VWA8: variants seen among roughly 807,000 people sequenced by gnomAD.
The protein encoded by VWA8 is von Willebrand factor A domain containing 8.
VWA8 carries 221 observed loss-of-function variants against 241.5 expected under a neutral mutation model. The ratio of observed to expected loss-of-function variants is 0.91; its 90% confidence interval spans 0.82 to 1.02. VWA8 has a LOEUF of 1.02. VWA8 is among the 50% of genes least tolerant of loss of function. The pLI is 0.00. For missense variants in VWA8, 2,322 were observed against 2,328.7 expected (o/e 1.00, Z 0.06); for synonymous variants, 852 against 827.1 (o/e 1.03, Z -0.52).
chr13:41,728,133 G>C (rs1026875396), intron 23 of VWA8, among the ~76,000 whole-genome samples: 4 of 149,934 alleles, frequency 2.7e-5, no homozygotes, highest in Non-Finnish European at 4.5e-5. Context: ...TTTGAGATGA[G>C]TTTGGAAGAG....
At chr13:41,877,189 C>T (rs953801767) in intron 9 of VWA8, among the ~76,000 whole-genome samples, 2 of 152,076 alleles carry the variant, frequency 1.3e-5, no homozygotes, top group African/African-American at 4.8e-5. Flanking sequence ...TTAACAGCAA[C>T]TATACTCACG....
intron 2 of VWA8, among the ~76,000 whole-genome samples, chr13:41,928,152 T>C (rs549891060): frequency 2.6e-5 from 4 of 152,172 alleles, no homozygotes; most frequent in Admixed American, 6.5e-5. Flanking sequence ...ACAATAATCA[T>C]AGAGGACTTC....
intron 2 of VWA8, among the ~76,000 whole-genome samples, chr13:41,918,107 G>A (rs1269931346): frequency 6.6e-6 from 1 of 152,096 alleles, no homozygotes; most frequent in Non-Finnish European, 1.5e-5. Context: ...TATTCACACA[G>A]CTATATTTAT....
intron 21 of VWA8, among the ~76,000 whole-genome samples, chr13:41,751,061 T>C (rs562145741): frequency 2.6e-5 from 4 of 152,174 alleles, no homozygotes; most frequent in African/African-American, 9.6e-5. Context: ...AGAGCTGTAG[T>C]GAGCAGTAAG....
At chr13:41,689,741 A>G (rs927622511) in intron 33 of VWA8, among the ~76,000 whole-genome samples, 1 of 152,132 alleles carries the variant, frequency 6.6e-6, no homozygotes, top group Non-Finnish European at 1.5e-5. Context: ...AGGAATAAAT[A>G]TTATAATTAA....
rs1593849150 is a variant in VWA8 at position 41,891,403 on chromosome 13, G to A, written c.651+17C>T. The A allele has an allele frequency of 3.1e-6, 5 of 1,613,834 alleles. No homozygotes were observed. Among genetic ancestry groups the A allele is most frequent in the Middle Eastern group, 1.6e-4 (1 of 6,062 alleles). On this transcript the variant is annotated intron_variant, in intron 5 of 44. Transcript: ENST00000379310. ...GCTTGACAGCAAAGACAAAGCAACA[G>A]GATTTTCTTTTCTTACTCGGAGAAG...
intron 20 of VWA8, among the ~76,000 whole-genome samples, chr13:41,761,944 G>A (rs9566845): frequency 0.061 from 9,266 of 151,996 alleles, 354 homozygotes; most frequent in East Asian, 0.11. Context: ...AGCAGGTTGT[G>A]TGGAAAGAGT....
At chr13:41,698,233 A>G (rs969202537) in intron 29 of VWA8, among the ~76,000 whole-genome samples, 2 of 152,010 alleles carry the variant, frequency 1.3e-5, no homozygotes, top group East Asian at 1.9e-4. Context: ...AGTATCCCCA[A>G]TAGGAGGCAC....
intron 4 of VWA8, among the ~76,000 whole-genome samples, chr13:41,897,537 A>C (rs777437598): frequency 5.3e-5 from 8 of 152,236 alleles, no homozygotes; most frequent in Non-Finnish European, 5.9e-5. Context: ...CTGATCCAGC[A>C]ATATATGGAC....
At chr13:41,879,222 C>G (rs941787954) in intron 9 of VWA8, among the ~76,000 whole-genome samples, 2 of 152,136 alleles carry the variant, frequency 1.3e-5, no homozygotes, top group Non-Finnish European at 2.9e-5. Flanking sequence ...TTGAAGTGAA[C>G]TATATTGTCA....
chr13:41,666,545 T>C (rs1262893670), intron 37 of VWA8, among the ~76,000 whole-genome samples: 6 of 152,056 alleles, frequency 3.9e-5, no homozygotes, highest in Non-Finnish European at 4.4e-5. Flanking sequence ...GCTAAATACT[T>C]AGGAATTTTT....
intron 19 of VWA8, among the ~76,000 whole-genome samples, chr13:41,782,841 T>TA (rs930012109): frequency 6.6e-6 from 1 of 151,824 alleles, no homozygotes; most frequent in Non-Finnish European, 1.5e-5. Flanking sequence ...TAATTTTCTC[T>TA]AAAAAAATTC....
At chr13:41,813,826 A>G in intron 16 of VWA8, among the ~76,000 whole-genome samples, 1 of 152,148 alleles carries the variant, frequency 6.6e-6, no homozygotes, top group Admixed American at 6.6e-5. Context: ...TATACTTTAA[A>G]AATTCCTAAT....
intron 16 of VWA8, among the ~76,000 whole-genome samples, chr13:41,811,998 T>C (rs1870493045): frequency 6.6e-6 from 1 of 152,180 alleles, no homozygotes; most frequent in African/African-American, 2.4e-5. Flanking sequence ...TGGTAAAGTT[T>C]ATAGGCTTTT....
At chr13:41,763,924 C>A (rs2045761003) in intron 20 of VWA8, among the ~76,000 whole-genome samples, 1 of 152,164 alleles carries the variant, frequency 6.6e-6, no homozygotes, top group South Asian at 2.1e-4. Flanking sequence ...AGCTCTTTTG[C>A]TGTGTCTCTT....
At chr13:41,673,040 C>A (rs576325903) in intron 36 of VWA8, among the ~76,000 whole-genome samples, 18 of 152,088 alleles carry the variant, frequency 1.2e-4, no homozygotes, top group Non-Finnish European at 2.1e-4. Flanking sequence ...GAAGAAATTA[C>A]ATATTTACTA....
intron 17 of VWA8, among the ~76,000 whole-genome samples, chr13:41,796,354 T>A (rs572773072): frequency 6.6e-6 from 1 of 152,336 alleles, no homozygotes; most frequent in Admixed American, 6.5e-5. Context: ...TGAAATTTTT[T>A]AACTACCAAC....
intron 9 of VWA8, among the ~76,000 whole-genome samples, chr13:41,879,255 C>T (rs1283358961): frequency 6.6e-6 from 1 of 151,954 alleles, no homozygotes; most frequent in Non-Finnish European, 1.5e-5. Context: ...TTCCTGACTC[C>T]TTGAGCCTAT....
intron 20 of VWA8, among the ~76,000 whole-genome samples, chr13:41,772,675 T>G (rs549418379): frequency 1.1e-4 from 17 of 152,344 alleles, no homozygotes; most frequent in Middle Eastern, 3.4e-3. Context: ...AAAGACTATG[T>G]GCTGTGTCAT....
Sources: allele counts gnomAD v4.1 joint callset (sites outside exome capture counted in the v4.1 genomes callset), GRCh38; gene constraint gnomAD v4.1.1; transcripts MANE v1.5; gene names NCBI Gene and HGNC (gene_info 2026-07-23, HGNC 2026-07-21).